The following ARHGEF7 variants were observed in gnomAD, a reference collection of about 807,000 sequenced individuals.
ARHGEF7 encodes the protein PAK-interacting exchange factor beta.
A neutral mutation model predicts 109.8 loss-of-function variants in ARHGEF7; 33 were observed. The observed-to-expected ratio is 0.30, with a 90% CI of 0.23 to 0.40. ARHGEF7 has a LOEUF of 0.40. ARHGEF7 is among the 10% of genes least tolerant of loss of function. The probability of loss-of-function intolerance (pLI) is 1.00; values close to 1 mark genes in which losing one functional copy is unlikely to be tolerated. For missense variants in ARHGEF7, 938 were observed against 1,098.5 expected (o/e 0.85, Z 2.07); for synonymous variants, 458 against 424.6 (o/e 1.08, Z -0.97).
At chr13:111,196,849 T>TA (rs1161535965) in intron 2 of ARHGEF7, among the ~76,000 whole-genome samples, 1 of 152,154 alleles carries the variant, frequency 6.6e-6, no homozygotes, top group Non-Finnish European at 1.5e-5. Flanking sequence ...CCTTCCCTCT[T>TA]ACAGAAAAGG....
intron 19 of ARHGEF7, chr13:111,292,894 G>A (rs1333739599): frequency 5.1e-6 from 5 of 987,852 alleles, no homozygotes; most frequent in African/African-American, 1.7e-5. Context: ...GGCCTTGGCA[G>A]GTGCACAGAC....
chr13:111,115,624 C>G lies in ARHGEF7; in HGVS notation c.98C>G (p.Ala33Gly). Reference protein sequence around the residue: ...TISDPEGFLQASLKDGVVLCR... With the variant: ...TISDPEGFLQGSLKDGVVLCR... ...TCGGACCCGGAGGGCTTTCTGCAGGCGTCGCTGAAGGATGGGGTGGTCCTC... is the reference window on the plus strand; with the variant it reads ...TCGGACCCGGAGGGCTTTCTGCAGGGGTCGCTGAAGGATGGGGTGGTCCTC... The change falls in exon 1 of 22, where the codon GCG (alanine) becomes GGG (glycine). Residue 33 changes from alanine to glycine, a missense_variant. Coordinates refer to ENST00000646102, the MANE Select transcript of ARHGEF7 (RefSeq NM_001354046.2). 1 of 1,402,458 alleles carries G rather than the reference C, an allele frequency of 7.1e-7. No individual in the cohort carries two copies. Among genetic ancestry groups the G allele is most frequent in the Non-Finnish European group, 9.4e-7 (1 of 1,062,542 alleles). 86.9% of individuals were successfully genotyped at this position (1,402,458 alleles called of 1,614,324 possible).
At chr13:111,223,237 T>A (rs953648039) in intron 5 of ARHGEF7, among the ~76,000 whole-genome samples, 2 of 152,220 alleles carry the variant, frequency 1.3e-5, no homozygotes, top group African/African-American at 4.8e-5. Context: ...TTAGGTTTCC[T>A]TTTTTGAAGA....
At position 111,275,623 on chromosome 13, in the gene ARHGEF7, C is replaced by T. The variant is rs761683855; in HGVS notation, c.1364C>T (p.Thr455Ile). Reference protein sequence around the residue: ...IRNWEGDDIKTLGNVTYMSQV... With the variant: ...IRNWEGDDIKILGNVTYMSQV... ...AACTGGGAGGGCGATGACATTAAAA[C>T]TCTGGGCAACGTCACTTACATGTCC... The change falls in exon 12 of 22, where the codon ACT becomes ATT. Residue 455 changes from threonine to isoleucine, a missense_variant. Coordinates refer to ENST00000646102, the MANE Select transcript of ARHGEF7 (RefSeq NM_001354046.2). The T allele has an allele frequency of 5.3e-5, 85 of 1,614,062 alleles. No homozygotes were observed. The highest frequency in any genetic ancestry group is 6.9e-5 in the Non-Finnish European group (82 of 1,180,042).
intron 2 of ARHGEF7, among the ~76,000 whole-genome samples, chr13:111,202,123 G>A (rs946736722): frequency 6.6e-6 from 1 of 152,182 alleles, no homozygotes; most frequent in African/African-American, 2.4e-5. Flanking sequence ...TTTGAAATAC[G>A]CTTTTTCAAA....
At chr13:111,203,468 G>GT (rs1566807424) in intron 2 of ARHGEF7, among the ~76,000 whole-genome samples, 1 of 152,174 alleles carries the variant, frequency 6.6e-6, no homozygotes, top group Admixed American at 6.5e-5. Context: ...TCTAAGGACT[G>GT]TTTTTTAAAG....
At chr13:111,274,027 A>G in intron 10 of ARHGEF7, 75 bp downstream of exon 10, 8 of 1,518,414 alleles carry the variant, frequency 5.3e-6, no homozygotes, top group Non-Finnish European at 7.2e-6. Flanking sequence ...TGTGAAAGAA[A>G]GTATTATTCA....
Position 111,262,374 on chromosome 13 carries a change from T to C in ARHGEF7, c.951-5174T>C, listed in dbSNP as rs568411217. Among the ~76,000 whole-genome samples the C allele has an allele frequency of 5.9e-5, 9 of 152,276 alleles. No homozygotes were observed. In the South Asian group the frequency reaches 1.9e-3, roughly 32 times the overall value. ...AACAAGAGAGACCTGCCAGAGGTCA[T>C]GTGGTTACAGGGGCCCCGTGTCCCT... On this transcript the variant is annotated intron_variant, in intron 8 of 21. Coordinates refer to ENST00000646102, the MANE Select transcript of ARHGEF7 (RefSeq NM_001354046.2).
chr13:111,191,723 A>G (rs1430204677), intron 2 of ARHGEF7, among the ~76,000 whole-genome samples: 3 of 152,154 alleles, frequency 2.0e-5, no homozygotes, highest in Non-Finnish European at 4.4e-5. Context: ...TGTATGAGGT[A>G]TCCAAGGAAG....
chr13:111,297,699 C>G (rs532461522), intron 19 of ARHGEF7, among the ~76,000 whole-genome samples: 1 of 152,356 alleles, frequency 6.6e-6, no homozygotes, highest in East Asian at 1.9e-4. Context: ...CTGGTTCTGG[C>G]TGGAGGCAGT....
At position 111,145,414 on chromosome 13, in the gene ARHGEF7, C is replaced by T. The variant is rs1350806512; in HGVS notation, c.166-8491C>T. On this transcript the variant is annotated intron_variant, in intron 1 of 21. Transcript: ENST00000646102. This position sits in a 1 kb window ranked among gnomAD's most constrained non-coding sequence, Gnocchi z 4.3. ...GTTAATGACAGAAAAGTCATTAACTCTCCCTGACCCCGAAGCGAAAGGTCA... is the reference window on the plus strand; with the variant it reads ...GTTAATGACAGAAAAGTCATTAACTTTCCCTGACCCCGAAGCGAAAGGTCA... Among the ~76,000 whole-genome samples, 1 of 152,120 alleles carries T rather than the reference C, an allele frequency of 6.6e-6. No individual in the cohort carries two copies. The highest frequency in any genetic ancestry group is 1.5e-5 in the Non-Finnish European group (1 of 68,018).
chr13:111,183,209 C>T (rs2078934040), intron 2 of ARHGEF7, among the ~76,000 whole-genome samples: 1 of 152,154 alleles, frequency 6.6e-6, no homozygotes, highest in Non-Finnish European at 1.5e-5. Flanking sequence ...TCATTGTACT[C>T]GTGCTAGCAA....
chr13:111,120,122 C>T (rs753324029), intron 1 of ARHGEF7, among the ~76,000 whole-genome samples: 2 of 152,208 alleles, frequency 1.3e-5, no homozygotes, highest in Non-Finnish European at 2.9e-5. Context: ...TAAACATTTC[C>T]TTTTGAAGCA....
chr13:111,265,401 A>G (rs752106737), intron 8 of ARHGEF7: 4 of 354,264 alleles, frequency 1.1e-5, no homozygotes, highest in Non-Finnish European at 2.2e-5. Context: ...GTTAGCATAA[A>G]TTTTGAGTGC....
chr13:111,292,377 C>A (rs2093316727), intron 19 of ARHGEF7, 83 bp downstream of exon 19: 1 of 1,578,550 alleles, frequency 6.3e-7, no homozygotes, highest in African/African-American at 1.4e-5. Flanking sequence ...GTATCGCAGC[C>A]TGCTTTTCTT....
intron 2 of ARHGEF7, among the ~76,000 whole-genome samples, chr13:111,157,955 G>A (rs2076466763): frequency 6.6e-6 from 1 of 152,188 alleles, no homozygotes; most frequent in South Asian, 2.1e-4. Flanking sequence ...GAGAAAGCTT[G>A]TTTGGTTAAA....
Position 111,205,364 on chromosome 13 carries a change from G to GT in ARHGEF7, c.329dup (p.Thr111AsnfsTer9). On this transcript the variant is annotated frameshift_variant, in exon 3 of 22. Transcript: ENST00000646102. LOFTEE classifies it high-confidence loss of function. ...CAGTTCCTTAGTGACTCTAAATAAA[G>GT]TAACAGCAGGTAAGACTCTTTTTTA... 1 of 1,597,114 alleles carries GT rather than the reference G, an allele frequency of 6.3e-7. No homozygotes were observed.
intron 2 of ARHGEF7, among the ~76,000 whole-genome samples, chr13:111,188,917 C>T (rs2079553099): frequency 6.6e-6 from 1 of 152,118 alleles, no homozygotes; most frequent in African/African-American, 2.4e-5. Flanking sequence ...GACATGTTAC[C>T]ACCTCCTGCT....
chr13:111,204,033 C>T (rs1356192997), intron 2 of ARHGEF7, among the ~76,000 whole-genome samples: 2 of 152,210 alleles, frequency 1.3e-5, no homozygotes, highest in Non-Finnish European at 2.9e-5. Context: ...CATCCACCAT[C>T]AAACTATCAT....
Sources: gnomAD v4.1 joint callset for allele counts (sites outside exome capture counted in the v4.1 genomes callset) on GRCh38, gnomAD v4.1.1 for gene constraint, Gnocchi (gnomAD v3.1) non-coding constraint, MANE v1.5 for transcripts, NCBI Gene and HGNC (gene_info 2026-07-23, HGNC 2026-07-21) for gene names.